CEPT1: variants seen among roughly 807,000 people sequenced by gnomAD.
The protein encoded by CEPT1 is choline/ethanolamine phosphotransferase 1.
A neutral mutation model predicts 42.6 loss-of-function variants in CEPT1; 7 were observed. The observed-to-expected ratio is 0.16, with a 90% CI of 0.09 to 0.31. The LOEUF (loss-of-function observed/expected upper bound fraction) is 0.31. Among genes scored for constraint, CEPT1 ranks in the 10% least tolerant of loss-of-function variants. The pLI is 1.00. For missense variants in CEPT1, 306 were observed against 502.1 expected (o/e 0.61, Z 3.73); for synonymous variants, 171 against 171.9 (o/e 0.99, Z 0.04).
At chr1:111,158,196 A>T (rs2802538) in intron 2 of CEPT1, among the ~76,000 whole-genome samples, 7,757 of 152,062 alleles carry the variant, frequency 0.051, 243 homozygotes, top group East Asian at 0.14. Flanking sequence ...AATAAAATAA[A>T]ATAAAAAATT....
chr1:111,177,729 T>TCCTCAG (rs1656755349), intron 5 of CEPT1, among the ~76,000 whole-genome samples: 1 of 152,198 alleles, frequency 6.6e-6, no homozygotes, highest in African/African-American at 2.4e-5. Context: ...CTTTTTAAAT[T>TCCTCAG]ATATGTTTTA....
intron 1 of CEPT1, among the ~76,000 whole-genome samples, chr1:111,146,654 A>C (rs926946152): frequency 6.6e-6 from 1 of 152,210 alleles, no homozygotes; most frequent in East Asian, 1.9e-4. Context: ...ATTCTGATTC[A>C]TCTTGAAAAT....
At chr1:111,151,684 C>G (rs1017553680) in intron 2 of CEPT1, among the ~76,000 whole-genome samples, 2 of 152,150 alleles carry the variant, frequency 1.3e-5, no homozygotes, top group Non-Finnish European at 2.9e-5. Context: ...AGATGACAAA[C>G]GTTTCCCTTT....
chr1:111,150,534 C>T (rs1028748679), intron 2 of CEPT1, among the ~76,000 whole-genome samples: 1 of 152,074 alleles, frequency 6.6e-6, no homozygotes, highest in African/African-American at 2.4e-5. Context: ...GGGAAATTCT[C>T]CTTCATTGTA....
chr1:111,182,856 A>G lies in CEPT1; in HGVS notation c.904A>G (p.Met302Val), dbSNP rs762156116. 1.1e-5 allele frequency: 18 copies of G among 1,613,412 alleles called. No individual in the cohort carries two copies. Among genetic ancestry groups the G allele is most frequent in the Middle Eastern group, 3.3e-4 (2 of 6,058 alleles). The change falls in exon 7 of 9, where the codon ATG becomes GTG. Residue 302 changes from methionine to valine, a missense_variant. Met to Val is a conservative substitution (Grantham distance 21). Coordinates refer to ENST00000357172, the MANE Select transcript of CEPT1 (RefSeq NM_006090.5). ...HIGSVITLAAMIYKKSAVQLF... is the reference protein window; with the variant it reads ...HIGSVITLAAVIYKKSAVQLF... ...TGGATCAGTGATTACATTAGCTGCA[A>G]TGATCTACAAGAAATCTGCAGTTCA...
At position 111,148,078 on chromosome 1, in the gene CEPT1, A is replaced by G. The variant is rs1368529576; in HGVS notation, c.339+25A>G. On this transcript the variant is annotated intron_variant, in intron 2 of 8. Transcript: ENST00000357172. ...GGTAAGAGTTTCTTAACAGATCTCAACATTTGCTATATACCAAAAACGTTG... is the reference window on the plus strand; with the variant it reads ...GGTAAGAGTTTCTTAACAGATCTCAGCATTTGCTATATACCAAAAACGTTG... 4 of 1,571,746 alleles carry G rather than the reference A, an allele frequency of 2.5e-6. No homozygotes were observed. In the African/African-American group the frequency reaches 4.1e-5, roughly 16 times the overall value.
chr1:111,172,506 T>C (rs1656471085), intron 4 of CEPT1, among the ~76,000 whole-genome samples: 1 of 152,252 alleles, frequency 6.6e-6, no homozygotes, highest in Non-Finnish European at 1.5e-5. Flanking sequence ...CTTTGTAGTA[T>C]GTGTTACAGT....
rs752643304 is a variant in CEPT1, at chr1:111,147,826, T to G, written c.112T>G (p.Leu38Val). 1 of 1,614,120 alleles carries G rather than the reference T, an allele frequency of 6.2e-7. No homozygotes were observed. The highest frequency in any genetic ancestry group is 8.5e-7 in the Non-Finnish European group (1 of 1,180,018). ...ATGTGTATTAAATAAATTGTTTCAG[T>G]TACCAACACCACCATTGTCAAGACA... is the stretch of plus-strand genomic sequence containing the variant. ...TGCVLNKLFQ[L>V]PTPPLSRHQL... Residue 38 changes from leucine to valine, a missense_variant, in exon 2 of 9, where the codon TTA becomes GTA. Around this residue, in one of 2 missense-constraint regions of CEPT1, gnomAD observed 53 missense variants for 54.8 expected, o/e 0.97. Coordinates refer to ENST00000357172, the MANE Select transcript of CEPT1 (RefSeq NM_006090.5).
chr1:111,168,004 TCA>T (rs1406632222), intron 4 of CEPT1: 1 of 170,652 alleles, frequency 5.9e-6, no homozygotes, highest in Non-Finnish European at 1.2e-5. Context: ...AGTGCTCCTC[TCA>T]CCTCACCTTT....
chr1:111,164,724 A>G (rs1049082066), intron 4 of CEPT1, among the ~76,000 whole-genome samples: 1 of 150,096 alleles, frequency 6.7e-6, no homozygotes, highest in Admixed American at 6.6e-5. Flanking sequence ...CCCGGGTTCA[A>G]GCAATTCTGC....
intron 2 of CEPT1, among the ~76,000 whole-genome samples, chr1:111,152,753 A>G (rs1347725454): frequency 6.6e-6 from 1 of 152,134 alleles, no homozygotes; most frequent in Non-Finnish European, 1.5e-5. Context: ...TGTTCATCAG[A>G]TTTTTAAAAA....
intron 2 of CEPT1, among the ~76,000 whole-genome samples, chr1:111,150,778 T>C (rs1655229350): frequency 6.6e-6 from 1 of 152,318 alleles, no homozygotes; most frequent in East Asian, 1.9e-4. Context: ...GAAAATAAGT[T>C]AGCTTTTATT....
intron 6 of CEPT1, 184 bp downstream of exon 6, chr1:111,182,502 A>G: frequency 1.5e-6 from 1 of 645,492 alleles, no homozygotes; most frequent in African/African-American, 1.9e-5. Flanking sequence ...TGCTTTATAT[A>G]TTCATACTTT....
Position 111,147,738 on chromosome 1 carries a change from G to A in CEPT1, c.24G>A (p.Arg8=). Residue 8 remains arginine, a synonymous_variant, in exon 2 of 9, where the codon AGG becomes AGA. Transcript: ENST00000357172. ...CCATGAGTGGGCATCGATCAACAAG[G>A]AAAAGATGTGGAGATTCTCACCCGG... The part of the protein sequence containing the change: MSGHRST[R]KRCGDSHPES... 1 of 1,610,496 alleles carries A rather than the reference G, an allele frequency of 6.2e-7. No homozygotes were observed. Among genetic ancestry groups the A allele is most frequent in the Non-Finnish European group, 8.5e-7 (1 of 1,177,392 alleles).
chr1:111,182,716 G>T, intron 6 of CEPT1, 83 bp from the exon 7 acceptor site: 3 of 1,284,224 alleles, frequency 2.3e-6, no homozygotes, highest in Non-Finnish European at 3.2e-6. Flanking sequence ...AGTTTGAGTT[G>T]AACTGTGAAC....
chr1:111,163,801 AAT>A (rs1294030108), intron 4 of CEPT1, among the ~76,000 whole-genome samples: 1 of 152,180 alleles, frequency 6.6e-6, no homozygotes, highest in Non-Finnish European at 1.5e-5. Context: ...TATTTTGCTT[AAT>A]AAGGAGGGAA....
upstream of CEPT1, chr1:111,139,920 G>A (rs1571093024): frequency 6.6e-6 from 1 of 152,378 alleles, no homozygotes; most frequent in Non-Finnish European, 1.5e-5. Context: ...CGCGGGTAAG[G>A]GGGCTCCAGG....
chr1:111,176,735 C>T (rs548436109), intron 5 of CEPT1, among the ~76,000 whole-genome samples: 1 of 152,170 alleles, frequency 6.6e-6, no homozygotes, highest in South Asian at 2.1e-4. Flanking sequence ...ACACATTGCC[C>T]AAAGGTAATT....
rs1358520590 is a variant in CEPT1, at chr1:111,140,264, G to A, written c.-117G>A. On this transcript the variant is annotated 5_prime_UTR_variant, in exon 1 of 9. Transcript: ENST00000357172. ...CGCCGATCAGTCACCCAGTCGGCTG[G>A]AGTCGGAGGCGATATTTCTAGGGGT... is the stretch of plus-strand genomic sequence containing the variant. 1.3e-5 allele frequency: 2 copies of A among 152,398 alleles called. No homozygotes were observed. Among genetic ancestry groups the A allele is most frequent in the African/African-American group, 4.8e-5 (2 of 41,466 alleles). 9.4% of individuals were successfully genotyped at this position (152,398 alleles called of 1,614,324 possible).
Sources: allele counts gnomAD v4.1 joint callset (sites outside exome capture counted in the v4.1 genomes callset), GRCh38; gene constraint gnomAD v4.1.1; regional missense constraint gnomAD v4.1.1; transcripts MANE v1.5; gene names NCBI Gene and HGNC (gene_info 2026-07-23, HGNC 2026-07-21).